The following BNC2 variants were observed in gnomAD, a reference collection of about 807,000 sequenced individuals.
The protein encoded by BNC2 is basonuclin zinc finger protein 2.
Under a neutral mutation model 76.3 loss-of-function variants are expected in BNC2, and 20 were observed. The observed-to-expected ratio is 0.26, with a 90% CI of 0.18 to 0.38. BNC2 has a LOEUF of 0.38. Ranked by LOEUF, BNC2 falls within the 10% of genes least tolerant of loss-of-function variation. BNC2 has a pLI of 1.00. For synonymous variants in BNC2, 582 were observed against 514.8 expected (o/e 1.13, Z -1.77); for missense variants, 1,382 against 1,399.8 (o/e 0.99, Z 0.20).
At chr9:16,774,894 C>A (rs1050384987) in intron 1 of BNC2, among the ~76,000 whole-genome samples, 16 of 152,176 alleles carry the variant, frequency 1.1e-4, no homozygotes, top group African/African-American at 3.6e-4. Context: ...CAGTGACCCT[C>A]TTGTATTTTG....
At chr9:16,454,896 C>T (rs567979955) in intron 5 of BNC2, among the ~76,000 whole-genome samples, 1 of 152,132 alleles carries the variant, frequency 6.6e-6, no homozygotes, top group South Asian at 2.1e-4. Context: ...TTGGTTGAGC[C>T]TATGATTCTT....
chr9:16,842,895 G>A (rs1396835765), intron 1 of BNC2, among the ~76,000 whole-genome samples: 1 of 152,180 alleles, frequency 6.6e-6, no homozygotes, highest in East Asian at 1.9e-4. Context: ...GGGATTACAG[G>A]TGTGCACCAC....
chr9:16,722,642 CCTA>C (rs1280137370), intron 3 of BNC2, among the ~76,000 whole-genome samples: 1 of 152,176 alleles, frequency 6.6e-6, no homozygotes, highest in Non-Finnish European at 1.5e-5. Flanking sequence ...AAAACGATCA[CCTA>C]CTGTGTTCAA....
In BNC2 at chr9:16,800,883, G is replaced by GA. The variant is rs200850914; in HGVS notation, c.4-62399dup. On this transcript the variant is annotated intron_variant, in intron 1 of 6. Transcript: ENST00000380672. ...TTGTCTTTCTCTCCTTTCTGATGTA[G>GA]AAAAAAAAGGGAAGCTATTCTATCA... 5.7e-3 allele frequency among the ~76,000 whole-genome samples: 856 copies of GA among 151,074 alleles called. 10 individuals are homozygous for GA. The highest frequency in any genetic ancestry group is 0.02 in the African/African-American group (810 of 41,250).
At chr9:16,663,098 C>A (rs1455727181) in intron 3 of BNC2, among the ~76,000 whole-genome samples, 2 of 150,094 alleles carry the variant, frequency 1.3e-5, no homozygotes, top group African/African-American at 5.0e-5. Context: ...CGCTCAATTC[C>A]AGTGATCCAT....
At chr9:16,558,557 C>T (rs1818908710) in intron 4 of BNC2, among the ~76,000 whole-genome samples, 1 of 152,160 alleles carries the variant, frequency 6.6e-6, no homozygotes, top group South Asian at 2.1e-4. Flanking sequence ...TCACTGTCTA[C>T]TTGAAGTCAC....
chr9:16,447,121 T>C (rs1483086446), intron 5 of BNC2, among the ~76,000 whole-genome samples: 1 of 152,156 alleles, frequency 6.6e-6, no homozygotes, highest in African/African-American at 2.4e-5. Flanking sequence ...TAAGAATATC[T>C]TAGGAATCAT....
rs552367394 is a variant in BNC2 at position 16,479,623 on chromosome 9, A to AT, written c.670-42100dup. Among the ~76,000 whole-genome samples the AT allele has an allele frequency of 1.1e-4, 16 of 152,312 alleles. No homozygotes were observed. The South Asian group carries it at 3.3e-3, about 32-fold the overall frequency. On this transcript the variant is annotated intron_variant, in intron 5 of 6. Coordinates refer to ENST00000380672, the MANE Select transcript of BNC2 (RefSeq NM_017637.6). ...CTTGTAAGAGTCTTTTTTATGTATC[A>AT]TTGATCAGCATAACAGTCCTATAAT...
chr9:16,589,859 G>A (rs1276786526), intron 3 of BNC2, among the ~76,000 whole-genome samples: 1 of 152,070 alleles, frequency 6.6e-6, no homozygotes, highest in African/African-American at 2.4e-5. Flanking sequence ...GGAGAGTATA[G>A]CAAGATTTAC....
intron 3 of BNC2, among the ~76,000 whole-genome samples, chr9:16,708,350 C>T (rs148142877): frequency 6.6e-6 from 1 of 152,174 alleles, no homozygotes; most frequent in Non-Finnish European, 1.5e-5. Context: ...TTCTCATGAA[C>T]TTCTATTAAA....
intron 1 of BNC2, among the ~76,000 whole-genome samples, chr9:16,753,756 T>C (rs1474575051): frequency 6.6e-6 from 1 of 152,212 alleles, no homozygotes; most frequent in East Asian, 1.9e-4. Flanking sequence ...AATCTATTTT[T>C]CCACCACCAC....
Position 16,412,983 on chromosome 9 carries a change from T to C in BNC2, c.*6006A>G, listed in dbSNP as rs1003966101. The C allele has an allele frequency of 2.6e-5, 4 of 152,648 alleles. No homozygotes were observed. The highest frequency in any genetic ancestry group is 4.8e-5 in the African/African-American group (2 of 41,442). 9.5% of individuals were successfully genotyped at this position (152,648 alleles called of 1,614,324 possible). The stretch of plus-strand genomic sequence containing the variant: ...GAGCTGGGCTGAAGCAGAGAGGGTG[T>C]TGTCTGCTGTTAGTGTGACAGTCTT... On this transcript the variant is annotated 3_prime_UTR_variant, in exon 7 of 7. Coordinates refer to ENST00000380672, the MANE Select transcript of BNC2 (RefSeq NM_017637.6).
At chr9:16,611,922 T>C (rs1451914471) in intron 3 of BNC2, among the ~76,000 whole-genome samples, 1 of 152,126 alleles carries the variant, frequency 6.6e-6, no homozygotes, top group African/African-American at 2.4e-5. Context: ...TATTCCTCCA[T>C]ATAAAAATAA....
chr9:16,815,448 G>C (rs537719424), intron 1 of BNC2, among the ~76,000 whole-genome samples: 3 of 152,208 alleles, frequency 2.0e-5, no homozygotes, highest in Non-Finnish European at 4.4e-5. Flanking sequence ...TCAAAGAGTT[G>C]AGGCAGGCAA....
chr9:16,530,863 G>A (rs1344101995), intron 5 of BNC2, among the ~76,000 whole-genome samples: 1 of 152,176 alleles, frequency 6.6e-6, no homozygotes, highest in African/African-American at 2.4e-5. Flanking sequence ...AGCTGGACAG[G>A]TGTCATGCAC....
chr9:16,620,792 G>A (rs1056094779), intron 3 of BNC2, among the ~76,000 whole-genome samples: 4 of 152,146 alleles, frequency 2.6e-5, no homozygotes, highest in African/African-American at 9.7e-5. Flanking sequence ...AAGTAGATGA[G>A]TGAATATTTA....
At chr9:16,700,636 C>T (rs900141006) in intron 3 of BNC2, among the ~76,000 whole-genome samples, 1 of 152,004 alleles carries the variant, frequency 6.6e-6, no homozygotes, top group South Asian at 2.1e-4. Flanking sequence ...GTGGTATTTA[C>T]CCCACAGTCT....
chr9:16,831,361 G>C (rs928099102), intron 1 of BNC2, among the ~76,000 whole-genome samples: 2 of 152,272 alleles, frequency 1.3e-5, no homozygotes, highest in Middle Eastern at 3.4e-3. Flanking sequence ...CTTGATCTTG[G>C]CATTCAACCA....
chr9:16,518,583 TTG>T (rs1176568385), intron 5 of BNC2, among the ~76,000 whole-genome samples: 21 of 123,624 alleles, frequency 1.7e-4, no homozygotes, highest in Admixed American at 4.6e-4. Context: ...TATATATTTT[TTG>T]TTGTTGTTGT....
Sources: allele counts gnomAD v4.1 joint callset (sites outside exome capture counted in the v4.1 genomes callset), GRCh38; gene constraint gnomAD v4.1.1; transcripts MANE v1.5; gene names NCBI Gene and HGNC (gene_info 2026-07-23, HGNC 2026-07-21).